The following DNASE1 variants were observed in gnomAD, a reference collection of about 807,000 sequenced individuals.
The protein encoded by DNASE1 is deoxyribonuclease-1.
A neutral mutation model predicts 33.9 loss-of-function variants in DNASE1; 40 were observed. The ratio of observed to expected loss-of-function variants is 1.18; its 90% confidence interval spans 0.92 to 1.54. The LOEUF is 1.54. Among genes scored for constraint, DNASE1 ranks in the 40% most tolerant of loss-of-function variants. DNASE1 has a pLI of 0.00. For synonymous variants in DNASE1, 216 were observed against 160.0 expected (o/e 1.35, Z -2.64); for missense variants, 518 against 372.6 (o/e 1.39, Z -3.21).
downstream of DNASE1, chr16:3,662,674 G>A (rs1278551215): frequency 4.3e-6 from 3 of 693,002 alleles, no homozygotes; most frequent in Admixed American, 4.0e-5. Flanking sequence ...TCTGGAGCAG[G>A]GCTGGGAGAA....
At chr16:3,656,483 G>A (rs1453562196) in intron 4 of DNASE1, among the ~76,000 whole-genome samples, 155 bp from the exon 5 acceptor site, 4 of 134,016 alleles carry the variant, frequency 3.0e-5, no homozygotes, top group Admixed American at 7.2e-5. Context: ...TGGCTCCCCC[G>A]CCCTCCTGTC....
exon 10 of DNASE1, chr16:3,663,436 C>T (rs1476721280): frequency 6.2e-7 from 1 of 1,614,122 alleles, no homozygotes; most frequent in Non-Finnish European, 8.5e-7. Flanking sequence ...GGGGACCTGT[C>T]CTCAAACTTC....
chr16:3,658,841 A>T, downstream of DNASE1: 1 of 1,614,020 alleles, frequency 6.2e-7, no homozygotes, highest in Non-Finnish European at 8.5e-7. Flanking sequence ...CGCGCAGCTG[A>T]TTCAGCTTCT....
chr16:3,646,060 T>C (rs1318244990), intron 1 of DNASE1, among the ~76,000 whole-genome samples: 1 of 151,854 alleles, frequency 6.6e-6, no homozygotes, highest in Admixed American at 6.6e-5. Flanking sequence ...GCCAGCCGAG[T>C]AGAGCCAGCC....
In DNASE1 at chr16:3,656,042, G is replaced by A. The variant is rs572136837; in HGVS notation, c.237-60G>A. ...GGGACCTGGGCACAGCCTCGCTATC[G>A]GCAGCCAGAGGGGTCCCCTATGGCC... is the stretch of plus-strand genomic sequence containing the variant. On this transcript the variant is annotated intron_variant, in intron 3 of 8. Transcript: ENST00000246949. 2,499 of 1,611,290 alleles carry A rather than the reference G, an allele frequency of 1.6e-3. 4 individuals are homozygous for A. The highest frequency in any genetic ancestry group is 1.9e-3 in the Non-Finnish European group (2,264 of 1,178,342).
At chr16:3,663,872 G>C (rs2050754747) in exon 10 of DNASE1, 2 of 381,856 alleles carry the variant, frequency 5.2e-6, no homozygotes. Context: ...AGGAGTTCGA[G>C]ACCAACATGG....
downstream of DNASE1, chr16:3,658,427 C>T (rs573624964): frequency 4.9e-4 from 298 of 603,984 alleles, 1 homozygote; most frequent in Non-Finnish European, 7.2e-4. Flanking sequence ...GCCATTTTTC[C>T]GTTTTTAAAA....
chr16:3,664,571 G>T (rs979882404), exon 10 of DNASE1: 16 of 1,209,160 alleles, frequency 1.3e-5, no homozygotes, highest in Non-Finnish European at 1.6e-5. Context: ...CTCCAGGCTG[G>T]CCCTGACCCG....
rs377083340 is a variant in DNASE1 at position 3,616,604 on chromosome 16, C to T, written c.-1359+4598C>T. On this transcript the variant is annotated intron_variant and NMD_transcript_variant, in intron 1 of 11. Transcript: ENST00000570769. ...ACACTGCACTCCAGCCTGGGTGATA[C>T]AGTGAGACTGTGTCTCAAATAAATA... 7.8e-5 allele frequency among the ~76,000 whole-genome samples: 10 copies of T among 127,472 alleles called. No individual in the cohort carries two copies. The East Asian group carries it at 1.0e-3, about 13-fold the overall frequency. 83.6% of individuals were successfully genotyped at this position (127,472 alleles called of 152,430 possible). A position where few individuals can be genotyped will look rare whatever the true frequency, so the allele number is the denominator to read the frequency against.
At chr16:3,616,706 G>T (rs893207453) in intron 1 of DNASE1, among the ~76,000 whole-genome samples, 1 of 152,108 alleles carries the variant, frequency 6.6e-6, no homozygotes, top group Non-Finnish European at 1.5e-5. Flanking sequence ...TAGCCACTTT[G>T]TTCTTTTTCA....
At chr16:3,632,704 G>T (rs2041737600) in intron 1 of DNASE1, among the ~76,000 whole-genome samples, 1 of 151,786 alleles carries the variant, frequency 6.6e-6, no homozygotes, top group South Asian at 2.1e-4. Flanking sequence ...TCCTGCCTCA[G>T]CCTCCTAAGT....
intron 1 of DNASE1, among the ~76,000 whole-genome samples, chr16:3,625,099 G>T (rs2041464150): frequency 1.3e-5 from 2 of 152,248 alleles, no homozygotes; most frequent in South Asian, 4.1e-4. Flanking sequence ...CTGAGGTTGG[G>T]AGTTCAAGAC....
upstream of DNASE1, chr16:3,652,260 G>A (rs2042360635): frequency 6.6e-6 from 1 of 152,318 alleles, no homozygotes; most frequent in Non-Finnish European, 1.5e-5. Context: ...GCACACGTAG[G>A]GGGTTGGGCA....
At chr16:3,662,189 C>G (rs1429322399), downstream of DNASE1, 1 of 1,570,980 alleles carries the variant, frequency 6.4e-7, no homozygotes, top group African/African-American at 1.3e-5. Flanking sequence ...AGAGGGCTGG[C>G]AGGATCTTAC....
At chr16:3,636,254 T>G (rs372854969) in intron 1 of DNASE1, among the ~76,000 whole-genome samples, 1 of 151,544 alleles carries the variant, frequency 6.6e-6, no homozygotes, top group African/African-American at 2.4e-5. Flanking sequence ...TCTTAGTTTT[T>G]TTTGTTTCTA....
downstream of DNASE1, chr16:3,658,130 C>T (rs767766149): frequency 3.7e-6 from 6 of 1,613,784 alleles, no homozygotes; most frequent in Admixed American, 3.3e-5. Context: ...CCCTGGCTGT[C>T]AGTGTCGCTC....
At chr16:3,654,363 G>C, upstream of DNASE1, 1 of 398,790 alleles carries the variant, frequency 2.5e-6, no homozygotes. Context: ...GAGCTCCCCA[G>C]CCTCCTGCAG....
intron 1 of DNASE1, among the ~76,000 whole-genome samples, chr16:3,633,476 T>C (rs192414438): frequency 1.3e-5 from 2 of 152,042 alleles, no homozygotes; most frequent in Non-Finnish European, 2.9e-5. Flanking sequence ...GGCGTGGTGG[T>C]GGACGCCTGT....
At chr16:3,616,638 A>T (rs918871698) in intron 1 of DNASE1, among the ~76,000 whole-genome samples, 4 of 132,564 alleles carry the variant, frequency 3.0e-5, no homozygotes, top group Non-Finnish European at 4.9e-5. Context: ...TAAATTAAAT[A>T]AATAAATAAA....
Sources: gnomAD v4.1 joint callset for allele counts (sites outside exome capture counted in the v4.1 genomes callset) on GRCh38, gnomAD v4.1.1 for gene constraint, MANE v1.5 for transcripts, NCBI Gene and HGNC (gene_info 2026-07-23, HGNC 2026-07-21) for gene names.